The following SLC17A1 variants were observed in gnomAD, a reference collection of about 807,000 sequenced individuals.
SLC17A1 encodes sodium-dependent phosphate transport protein 1.
SLC17A1 carries 51 observed loss-of-function variants against 53.5 expected under a neutral mutation model. The ratio of observed to expected loss-of-function variants is 0.95; its 90% CI spans 0.76 to 1.20. The LOEUF (loss-of-function observed/expected upper bound fraction) is 1.20, where lower values mean the gene tolerates loss of function less well. SLC17A1 is among the 50% of genes most tolerant of loss of function. SLC17A1 has a pLI of 0.00. For missense variants in SLC17A1, 538 were observed against 568.2 expected, an observed-to-expected ratio of 0.95 and a Z score of 0.54; for synonymous variants, 179 against 198.8, an observed-to-expected ratio of 0.90 and a Z score of 0.84.
At chr6:25,731,905 G>A in the SLC17A1 span, 442 of 1,602,484 alleles carry the variant, frequency 2.8e-4, 1 homozygote, top group Non-Finnish European at 3.4e-4. Context: ...ATGGTCGAGC[G>A]CTTGTCATAA....
the SLC17A1 span, among the ~76,000 whole-genome samples, chr6:25,763,265 C>A: frequency 3.3e-5 from 5 of 152,140 alleles, no homozygotes; most frequent in Non-Finnish European, 7.4e-5. Context: ...ACCCACTTTA[C>A]CCTGGCCTGT....
intron 12 of SLC17A1, among the ~76,000 whole-genome samples, chr6:25,783,501 A>G (rs1228864041): frequency 2.0e-5 from 3 of 152,134 alleles, no homozygotes; most frequent in Non-Finnish European, 4.4e-5. Flanking sequence ...AACAACTCCA[A>G]CATTTTGCTA....
At chr6:25,761,909 G>A in the SLC17A1 span, 8 of 1,432,044 alleles carry the variant, frequency 5.6e-6, no homozygotes, top group Non-Finnish European at 7.8e-6. Flanking sequence ...ATTTTCTTTT[G>A]TATTCTTTTT....
chr6:25,727,361 C>G, the SLC17A1 span: 1 of 1,371,244 alleles, frequency 7.3e-7, no homozygotes, highest in Non-Finnish European at 9.9e-7. Flanking sequence ...ACTGAAACAG[C>G]TGTGGGCTTC....
At chr6:25,793,759 A>T (rs1045930390) in intron 12 of SLC17A1, among the ~76,000 whole-genome samples, 2 of 152,180 alleles carry the variant, frequency 1.3e-5, no homozygotes, top group African/African-American at 4.8e-5. Flanking sequence ...ATTCCTTAAC[A>T]TCTGACTAAA....
downstream of SLC17A1, chr6:25,779,260 A>C: frequency 6.3e-7 from 1 of 1,587,054 alleles, no homozygotes; most frequent in Non-Finnish European, 8.6e-7. Context: ...TTTCTCTTTC[A>C]TGCCTGCTTG....
intron 12 of SLC17A1, among the ~76,000 whole-genome samples, chr6:25,794,389 T>G (rs1041405752): frequency 6.6e-5 from 10 of 152,192 alleles, no homozygotes; most frequent in African/African-American, 2.2e-4. Flanking sequence ...TATTTCAACA[T>G]AATCAGTCTC....
intron 3 of SLC17A1, among the ~76,000 whole-genome samples, chr6:25,823,750 T>A (rs1171937557): frequency 6.6e-6 from 1 of 152,094 alleles, no homozygotes; most frequent in Non-Finnish European, 1.5e-5. Context: ...TTTTTCATTA[T>A]CTTAACAGTA....
At chr6:25,778,990 C>T, downstream of SLC17A1, 1 of 1,592,844 alleles carries the variant, frequency 6.3e-7, no homozygotes, top group Non-Finnish European at 8.6e-7. Flanking sequence ...GAGCCAAAGC[C>T]TTTCTGAACC....
the SLC17A1 span, chr6:25,726,718 C>A: frequency 9.5e-7 from 1 of 1,047,640 alleles, no homozygotes; most frequent in Non-Finnish European, 1.4e-6. Flanking sequence ...ATTTTGGATA[C>A]CGAACGCGGC....
the SLC17A1 span, among the ~76,000 whole-genome samples, chr6:25,760,505 CT>C: frequency 6.6e-6 from 1 of 152,118 alleles, no homozygotes; most frequent in Admixed American, 6.5e-5. Flanking sequence ...TCTGAGAAAT[CT>C]TGTGGTTTCA....
At chr6:25,798,963 T>C (rs1219296167) in intron 11 of SLC17A1, 44 bp from the exon 12 acceptor site, 30 of 1,519,056 alleles carry the variant, frequency 2.0e-5, no homozygotes, top group Non-Finnish European at 2.7e-5. Context: ...ATTGCTCTTG[T>C]TTTTTTGTTT....
chr6:25,776,505 G>A, the SLC17A1 span: 1 of 1,475,396 alleles, frequency 6.8e-7, no homozygotes, highest in Non-Finnish European at 9.1e-7. Flanking sequence ...ATAAAGAAAA[G>A]CCACAAATGT....
intron 12 of SLC17A1, among the ~76,000 whole-genome samples, chr6:25,786,398 G>A (rs1164065956): frequency 6.6e-6 from 1 of 152,192 alleles, no homozygotes; most frequent in Non-Finnish European, 1.5e-5. Context: ...CGAGGAACAA[G>A]GCAGAAAGAC....
chr6:25,741,546 C>G, the SLC17A1 span, among the ~76,000 whole-genome samples: 10 of 151,998 alleles, frequency 6.6e-5, no homozygotes, highest in Non-Finnish European at 1.3e-4. Context: ...GAAACCCTGT[C>G]TGTACTGAAG....
chr6:25,770,883 G>A, the SLC17A1 span: 1 of 1,485,268 alleles, frequency 6.7e-7, no homozygotes, highest in East Asian at 2.3e-5. Flanking sequence ...AGAGCCCCAA[G>A]ACGAGTCCTC....
chr6:25,737,149 C>T, the SLC17A1 span, among the ~76,000 whole-genome samples: 1 of 152,282 alleles, frequency 6.6e-6, no homozygotes, highest in East Asian at 1.9e-4. Flanking sequence ...AACATTATTC[C>T]ATTACCAGCC....
At chr6:25,752,427 G>A in the SLC17A1 span, among the ~76,000 whole-genome samples, 3 of 152,186 alleles carry the variant, frequency 2.0e-5, no homozygotes, top group African/African-American at 7.2e-5. Context: ...AAGTTACTCT[G>A]GGTGAGGCAG....
rs182351552 is a variant in SLC17A1, at chr6:25,806,042, C to T, written c.1179-5062G>A. 7.9e-5 allele frequency among the ~76,000 whole-genome samples: 12 copies of T among 152,054 alleles called. No homozygotes were observed. The East Asian group carries it at 1.4e-3, about 17-fold the overall frequency. ...ACTCATTCTATGAAGCCAGTATCACCCTGATACCAAAATCAGAAAAGGCTA... is the reference window on the plus strand; with the variant it reads ...ACTCATTCTATGAAGCCAGTATCACTCTGATACCAAAATCAGAAAAGGCTA... On this transcript the variant is annotated intron_variant, in intron 10 of 12. Transcript: ENST00000244527.
Sources: allele counts gnomAD v4.1 joint callset (sites outside exome capture counted in the v4.1 genomes callset), GRCh38; gene constraint gnomAD v4.1.1; transcripts MANE v1.5; gene names NCBI Gene and HGNC (gene_info 2026-07-23, HGNC 2026-07-21).